The following POLA2 variants were observed in gnomAD, a reference collection of about 807,000 sequenced individuals.
POLA2 encodes the protein DNA polymerase alpha subunit B.
POLA2 carries 47 observed loss-of-function variants against 82.8 expected under a neutral mutation model. The observed-to-expected ratio is 0.57, with a 90% CI of 0.45 to 0.72. The LOEUF is 0.72. POLA2 is among the 30% of genes least tolerant of loss of function. POLA2 has a pLI of 0.00. For missense variants in POLA2, 634 were observed against 728.1 expected (o/e 0.87, Z 1.49); for synonymous variants, 287 against 286.8 (o/e 1.00, Z -0.01).
chr11:65,262,183 G>C lies in POLA2; in HGVS notation c.-110G>C. ...GTCACCTCCTGTCACGGTCCGCGGAGGGGGGAAGGATAAGAGGGCGAGGAG... is the reference window on the plus strand; with the variant it reads ...GTCACCTCCTGTCACGGTCCGCGGACGGGGGAAGGATAAGAGGGCGAGGAG... On this transcript the variant is annotated 5_prime_UTR_variant, in exon 1 of 18. Transcript: ENST00000265465. 2.5e-6 allele frequency: 2 copies of C among 786,972 alleles called. No homozygotes were observed. 48.7% of individuals were successfully genotyped at this position (786,972 alleles called of 1,614,324 possible). A position where few individuals can be genotyped will look rare whatever the true frequency, so the allele number is the denominator to read the frequency against.
Position 65,294,192 on chromosome 11 carries a change from T to C in POLA2, c.1284T>C (p.Asp428=). The C allele has an allele frequency of 6.2e-7, 1 of 1,614,156 alleles. No homozygotes were observed. The highest frequency in any genetic ancestry group is 8.5e-7 in the Non-Finnish European group (1 of 1,180,036). Residue 428 remains aspartate, a synonymous_variant, in exon 14 of 18, where the codon GAT becomes GAC. Transcript: ENST00000265465. ...SHLVFVPSLR[D]VHHEPVYPQP... ...TTGTCTTTGTCCCGTCATTGAGAGATGTGCACCATGAGCCTGTGTACCCCC... is the reference window on the plus strand; with the variant it reads ...TTGTCTTTGTCCCGTCATTGAGAGACGTGCACCATGAGCCTGTGTACCCCC...
At chr11:65,296,899 A>C (rs1043915549) in intron 17 of POLA2, among the ~76,000 whole-genome samples, 1 of 150,374 alleles carries the variant, frequency 6.7e-6, no homozygotes, top group Non-Finnish European at 1.5e-5. Context: ...CAGTGAGCTG[A>C]GATCTCACCA....
intron 1 of POLA2, among the ~76,000 whole-genome samples, chr11:65,265,060 C>T (rs1019646057): frequency 6.6e-6 from 1 of 152,164 alleles, no homozygotes; most frequent in Non-Finnish European, 1.5e-5. Flanking sequence ...GAAACCCGGT[C>T]TCTACTTAAA....
At chr11:65,275,285 A>G (rs1949564716) in intron 4 of POLA2, among the ~76,000 whole-genome samples, 1 of 151,298 alleles carries the variant, frequency 6.6e-6, no homozygotes, top group Non-Finnish European at 1.5e-5. Context: ...CGATTATCCT[A>G]GACTTTAGGG....
chr11:65,289,283 T>C (rs978643930), intron 12 of POLA2, among the ~76,000 whole-genome samples, 195 bp downstream of exon 12: 1 of 152,248 alleles, frequency 6.6e-6, no homozygotes, highest in Non-Finnish European at 1.5e-5. Flanking sequence ...AATACAAGGC[T>C]GTCTGGAAGC....
At chr11:65,285,124 G>A (rs748645531) in intron 10 of POLA2, among the ~76,000 whole-genome samples, 3 of 151,930 alleles carry the variant, frequency 2.0e-5, no homozygotes, top group South Asian at 2.1e-4. Context: ...ACAAAAATTA[G>A]GCCAGGCGCA....
intron 4 of POLA2, among the ~76,000 whole-genome samples, chr11:65,270,687 C>T (rs989456798): frequency 3.3e-5 from 5 of 152,172 alleles, no homozygotes; most frequent in African/African-American, 1.2e-4. Context: ...GATCTGGCCA[C>T]CTCTCACCAT....
chr11:65,276,771 A>G (rs1182451007), intron 5 of POLA2, among the ~76,000 whole-genome samples: 1 of 151,638 alleles, frequency 6.6e-6, no homozygotes, highest in Non-Finnish European at 1.5e-5. Flanking sequence ...CCAGAGCTTA[A>G]GATTGTTCAA....
intron 4 of POLA2, among the ~76,000 whole-genome samples, chr11:65,271,286 C>T (rs958808457): frequency 3.3e-5 from 5 of 152,124 alleles, no homozygotes; most frequent in Admixed American, 2.6e-4. Flanking sequence ...GTGTGGTTGG[C>T]TCTCTCAATT....
chr11:65,301,500 C>T (rs894729269), downstream of POLA2, among the ~76,000 whole-genome samples: 4 of 151,774 alleles, frequency 2.6e-5, no homozygotes, highest in Non-Finnish European at 4.4e-5. Context: ...CCAAGTGGGC[C>T]ATTGGAATAC....
chr11:65,290,015 G>A (rs973491397), intron 13 of POLA2, 143 bp downstream of exon 13: 32 of 579,830 alleles, frequency 5.5e-5, no homozygotes, highest in African/African-American at 2.1e-4. Flanking sequence ...TTGGGAGGCC[G>A]AGGCGGGCAC....
intron 10 of POLA2, among the ~76,000 whole-genome samples, chr11:65,283,564 G>A (rs1949663257): frequency 6.6e-6 from 1 of 151,954 alleles, no homozygotes; most frequent in East Asian, 1.9e-4. Context: ...CCGCCTCCCG[G>A]GTTCAGGTGA....
intron 10 of POLA2, among the ~76,000 whole-genome samples, chr11:65,287,078 G>A (rs1949705006): frequency 6.6e-6 from 1 of 152,208 alleles, no homozygotes; most frequent in African/African-American, 2.4e-5. Flanking sequence ...GCCATTCTGG[G>A]TCATGTGCCT....
At chr11:65,284,329 A>C (rs1949672398) in intron 10 of POLA2, among the ~76,000 whole-genome samples, 1 of 151,910 alleles carries the variant, frequency 6.6e-6, no homozygotes, top group Non-Finnish European at 1.5e-5. Flanking sequence ...AAACAAAAAA[A>C]ATCAGCTTGG....
rs762518905 is a variant in POLA2 at position 65,281,646 on chromosome 11, A to G, written c.901-24A>G. ...CCTCATTGATCTCCACTGCTTAGCA[A>G]TCCTGTTTGTTTTTGTCTTTCAGGT... is the stretch of plus-strand genomic sequence containing the variant. On this transcript the variant is annotated intron_variant, in intron 8 of 17. Transcript: ENST00000265465. 13 of 1,582,714 alleles carry G rather than the reference A, an allele frequency of 8.2e-6. No individual in the cohort carries two copies. In the South Asian group the frequency reaches 1.1e-4, roughly 13 times the overall value.
At chr11:65,286,192 T>A (rs1949695582) in intron 10 of POLA2, among the ~76,000 whole-genome samples, 1 of 152,090 alleles carries the variant, frequency 6.6e-6, no homozygotes, top group Non-Finnish European at 1.5e-5. Context: ...AAAGAAAAAT[T>A]TTATTTCAAA....
chr11:65,278,755 T>C lies in POLA2; in HGVS notation c.487T>C (p.Ser163Pro). 1 of 1,613,610 alleles carries C rather than the reference T, an allele frequency of 6.2e-7. No individual in the cohort carries two copies. The highest frequency in any genetic ancestry group is 8.5e-7 in the Non-Finnish European group (1 of 1,179,884). The change falls in exon 6 of 18, where the codon TCA (serine) becomes CCA (proline). Residue 163 changes from serine (S) to proline (P), a missense_variant. Ser to Pro is a moderately conservative substitution (Grantham distance 74). Coordinates refer to ENST00000265465, the MANE Select transcript of POLA2 (RefSeq NM_002689.4). ...TGCTACTCCCTCCCAGAAATACAAC[T>C]CACGAAGTAACCGAGGAGAAGTGGT... is the stretch of plus-strand genomic sequence containing the variant. ...PSATPSQKYN[S>P]RSNRGEVVTS... is the part of the protein sequence containing the mutation.
At chr11:65,285,685 A>G (rs1949690572) in intron 10 of POLA2, among the ~76,000 whole-genome samples, 1 of 152,166 alleles carries the variant, frequency 6.6e-6, no homozygotes, top group African/African-American at 2.4e-5. Context: ...CCTGGCTGAG[A>G]TACCAGGAGC....
At chr11:65,278,508 C>T (rs73484962) in intron 5 of POLA2, among the ~76,000 whole-genome samples, 147 of 152,302 alleles carry the variant, frequency 9.7e-4, no homozygotes, top group African/African-American at 3.4e-3. Context: ...CTAAACTTCT[C>T]TAAAAATGTT....
Sources: gnomAD v4.1 joint callset for allele counts (sites outside exome capture counted in the v4.1 genomes callset) on GRCh38, gnomAD v4.1.1 for gene constraint, MANE v1.5 for transcripts, NCBI Gene and HGNC (gene_info 2026-07-23, HGNC 2026-07-21) for gene names.